Variants in RASA2 observed in about 807,000 individuals in gnomAD.
RASA2 encodes RAS p21 protein activator 2, also known as ras GTPase-activating protein 2.
RASA2 carries 155 observed loss-of-function variants against 118.2 expected under a neutral mutation model. The ratio of observed to expected loss-of-function variants is 1.31; its 90% confidence interval spans 1.15 to 1.50. The LOEUF (loss-of-function observed/expected upper bound fraction) is 1.50, where lower values mean the gene tolerates loss of function less well. Ranked by LOEUF, RASA2 falls within the 40% of genes most tolerant of loss-of-function variation. The pLI, the probability that RASA2 is intolerant of heterozygous loss-of-function variation, is 0.00. For synonymous variants in RASA2, 353 were observed against 349.1 expected, an observed-to-expected ratio of 1.01 and a Z score of -0.12; for missense variants, 1,016 against 1,009.6, an observed-to-expected ratio of 1.01 and a Z score of -0.09.
At chr3:141,549,842 T>TA (rs1560025036) in intron 5 of RASA2, among the ~76,000 whole-genome samples, 2 of 151,924 alleles carry the variant, frequency 1.3e-5, no homozygotes, top group South Asian at 4.1e-4. Flanking sequence ...AAGAAAGTGC[T>TA]AAAAAATAAT....
chr3:141,571,171 G>T (rs767458286), intron 10 of RASA2, 103 bp downstream of exon 10: 48 of 1,292,318 alleles, frequency 3.7e-5, no homozygotes, highest in Admixed American at 8.7e-5. Flanking sequence ...TATTAAAACA[G>T]TAAAAATTAT....
chr3:141,507,558 T>A (rs932305128), intron 1 of RASA2, among the ~76,000 whole-genome samples: 3 of 152,198 alleles, frequency 2.0e-5, no homozygotes, highest in African/African-American at 7.2e-5. Flanking sequence ...AGGAGTCTAC[T>A]ACTGTTAGGA....
At chr3:141,490,246 C>T (rs547729200) in intron 1 of RASA2, among the ~76,000 whole-genome samples, 8 of 149,904 alleles carry the variant, frequency 5.3e-5, no homozygotes, top group South Asian at 2.1e-4. Context: ...GGGGTGTACT[C>T]GACTCCATTC....
intron 3 of RASA2, among the ~76,000 whole-genome samples, chr3:141,522,239 A>G (rs778277590): frequency 2.6e-5 from 4 of 152,142 alleles, no homozygotes; most frequent in Non-Finnish European, 4.4e-5. Context: ...TGATAGAATC[A>G]GGATCCAGAT....
At chr3:141,586,555 A>G (rs2083205362) in intron 18 of RASA2, 91 bp from the exon 19 acceptor site, 2 of 791,624 alleles carry the variant, frequency 2.5e-6, no homozygotes, top group Non-Finnish European at 4.0e-6. Context: ...TTACACTACT[A>G]TTCATGTCAT....
chr3:141,585,224 T>G (rs2083181510), intron 17 of RASA2, among the ~76,000 whole-genome samples: 1 of 152,146 alleles, frequency 6.6e-6, no homozygotes, highest in African/African-American at 2.4e-5. Flanking sequence ...TATACTATAT[T>G]TAACACCCCC....
chr3:141,580,338 A>C, intron 15 of RASA2, 30 bp from the exon 16 acceptor site: 2 of 1,471,702 alleles, frequency 1.4e-6, no homozygotes. Flanking sequence ...TTGAAAACTT[A>C]GTAGTTTTGG....
At position 141,607,049 on chromosome 3, in the gene RASA2, A is replaced by G. The variant is rs139604086; in HGVS notation, c.1934-629A>G. Among the ~76,000 whole-genome samples, 219 of 152,276 alleles carry G rather than the reference A, an allele frequency of 1.4e-3. 7 individuals are homozygous for G. The East Asian group carries it at 0.024, about 17-fold the overall frequency. On this transcript the variant is annotated intron_variant, in intron 19 of 23. Transcript: ENST00000286364. ...TTATGGAGCTCCTTTAGCAAATTCA[A>G]ATTTCCTTAATGGAATTTCCAAAGT...
chr3:141,518,349 G>A (rs1161281776), intron 3 of RASA2, among the ~76,000 whole-genome samples: 15 of 151,300 alleles, frequency 9.9e-5, no homozygotes, highest in East Asian at 2.0e-4. Context: ...CTGGAGCGGC[G>A]GTGCGCACCT....
intron 19 of RASA2, among the ~76,000 whole-genome samples, chr3:141,595,023 T>C (rs767861420): frequency 2.6e-5 from 4 of 152,214 alleles, no homozygotes; most frequent in Non-Finnish European, 4.4e-5. Context: ...AAGGGTCTTA[T>C]ATTTTATGTG....
intron 1 of RASA2, among the ~76,000 whole-genome samples, chr3:141,508,136 A>C (rs1261959978): frequency 6.6e-6 from 1 of 152,054 alleles, no homozygotes; most frequent in Admixed American, 6.6e-5. Flanking sequence ...TAAAAAAAAA[A>C]CTAGAATTTG....
intron 5 of RASA2, among the ~76,000 whole-genome samples, chr3:141,553,235 G>A (rs2082599906): frequency 2.0e-5 from 3 of 152,168 alleles, no homozygotes; most frequent in African/African-American, 2.4e-5. Flanking sequence ...TGATGCCATA[G>A]AGCTGGCTTG....
chr3:141,607,078 A>G (rs976885370), intron 19 of RASA2, among the ~76,000 whole-genome samples: 7 of 152,164 alleles, frequency 4.6e-5, no homozygotes, highest in African/African-American at 1.7e-4. Flanking sequence ...CCAAAGTCTT[A>G]GGTTAAGGAT....
chr3:141,506,624 C>T (rs1258424889), intron 1 of RASA2, among the ~76,000 whole-genome samples: 3 of 152,120 alleles, frequency 2.0e-5, no homozygotes, highest in Non-Finnish European at 4.4e-5. Context: ...TTGGATTTGG[C>T]ACTCCCAGCC....
intron 2 of RASA2, among the ~76,000 whole-genome samples, chr3:141,512,782 G>A (rs1406041174): frequency 4.6e-5 from 7 of 152,188 alleles, no homozygotes; most frequent in African/African-American, 1.4e-4. Context: ...AAATAAGGAG[G>A]CCGGGCGTGG....
At chr3:141,597,655 G>T (rs1009263010) in intron 19 of RASA2, among the ~76,000 whole-genome samples, 5 of 151,876 alleles carry the variant, frequency 3.3e-5, no homozygotes, top group African/African-American at 1.2e-4. Flanking sequence ...AAAAAGAAAG[G>T]ATAAAATCAA....
At chr3:141,525,633 C>G (rs1044724259) in intron 3 of RASA2, 3 of 151,748 alleles carry the variant, frequency 2.0e-5, no homozygotes, top group Non-Finnish European at 4.4e-5. Flanking sequence ...TGGTGAAAAC[C>G]CATCTCTACA....
At chr3:141,562,651 AC>A (rs200152364) in intron 9 of RASA2, among the ~76,000 whole-genome samples, 1,992 of 133,996 alleles carry the variant, frequency 0.015, 58 homozygotes, top group African/African-American at 0.049. Flanking sequence ...CAACAACAAC[AC>A]ACAAAAAAAA....
At chr3:141,580,312 T>G (rs2083090694) in intron 15 of RASA2, 56 bp from the exon 16 acceptor site, 6 of 1,367,474 alleles carry the variant, frequency 4.4e-6, no homozygotes, top group Middle Eastern at 2.4e-4. Flanking sequence ...TCTACTTTTT[T>G]ATACAAACTA....
Sources: gnomAD v4.1 joint callset for allele counts (sites outside exome capture counted in the v4.1 genomes callset) on GRCh38, gnomAD v4.1.1 for gene constraint, MANE v1.5 for transcripts, NCBI Gene and HGNC (gene_info 2026-07-23, HGNC 2026-07-21) for gene names.